TJP1: variants seen among roughly 807,000 people sequenced by gnomAD.
The protein encoded by TJP1 is tight junction protein ZO-1.
TJP1 carries 43 observed loss-of-function variants against 194.2 expected under a neutral mutation model. The ratio of observed to expected loss-of-function variants is 0.22; its 90% confidence interval spans 0.17 to 0.29. The LOEUF (loss-of-function observed/expected upper bound fraction) is 0.29, where lower values mean the gene tolerates loss of function less well. Among genes scored for constraint, TJP1 ranks in the 10% least tolerant of loss-of-function variants. The pLI is 1.00. For missense variants in TJP1, 1,971 were observed against 2,185.7 expected (o/e 0.90, Z 1.96); for synonymous variants, 801 against 779.0 (o/e 1.03, Z -0.47).
At chr15:29,968,384 G>A in intron 1 of TJP1, 1 of 985,332 alleles carries the variant, frequency 1.0e-6, no homozygotes, top group Non-Finnish European at 1.2e-6. Context: ...CCGGGTGCGG[G>A]TGCCAGGCGT....
intron 15 of TJP1, chr15:29,730,737 G>A (rs1214768645): frequency 1.3e-6 from 1 of 767,064 alleles, no homozygotes; most frequent in Non-Finnish European, 2.4e-6. Flanking sequence ...GGCTGAAGGG[G>A]ATGCTAAGGG....
intron 8 of TJP1, among the ~76,000 whole-genome samples, chr15:29,743,335 G>A (rs1357133761): frequency 1.3e-5 from 2 of 152,174 alleles, no homozygotes; most frequent in African/African-American, 4.8e-5. Flanking sequence ...GAATTCTTTA[G>A]TTCAAACAGC....
intron 8 of TJP1, among the ~76,000 whole-genome samples, chr15:29,753,787 C>T (rs897864468): frequency 3.4e-5 from 5 of 148,252 alleles, no homozygotes; most frequent in African/African-American, 1.2e-4. Context: ...TTCTAACTGG[C>T]ACCCTTTCTA....
intron 25 of TJP1, among the ~76,000 whole-genome samples, 173 bp from the exon 26 acceptor site, chr15:29,705,918 A>G (rs976063313): frequency 3.9e-5 from 6 of 152,120 alleles, no homozygotes. Context: ...CGCAGAGAAT[A>G]TTATTTCTTT....
At position 29,700,917 on chromosome 15, in the gene TJP1, G is replaced by A. The variant is rs1239869002; in HGVS notation, c.*678C>T. 6.5e-5 allele frequency: 10 copies of A among 153,548 alleles called. No homozygotes were observed. The highest frequency in any genetic ancestry group is 1.5e-5 in the Non-Finnish European group (1 of 68,750). 9.5% of individuals were successfully genotyped at this position (153,548 alleles called of 1,614,324 possible). A position where few individuals can be genotyped will look rare whatever the true frequency, so the allele number is the denominator to read the frequency against. On this transcript the variant is annotated 3_prime_UTR_variant, in exon 28 of 28. Coordinates refer to ENST00000614355, the MANE Select transcript of TJP1 (RefSeq NM_001330239.4). The stretch of plus-strand genomic sequence containing the variant: ...ACAAGGAGAATGAGCTAAGAATTAA[G>A]AACATGAGGGTAAGGCATTTCTGCT...
intron 2 of TJP1, among the ~76,000 whole-genome samples, chr15:29,829,463 T>G (rs1251758237): frequency 6.6e-6 from 1 of 152,058 alleles, no homozygotes; most frequent in Non-Finnish European, 1.5e-5. Flanking sequence ...AGTTTCACAT[T>G]TCTGATTCAG....
chr15:29,841,437 AC>A (rs2051221404), intron 2 of TJP1, among the ~76,000 whole-genome samples: 1 of 152,226 alleles, frequency 6.6e-6, no homozygotes, highest in South Asian at 2.1e-4. Context: ...ACCCTTCAGG[AC>A]CTATACTTTG....
chr15:29,842,015 G>C (rs1012215630), intron 2 of TJP1, among the ~76,000 whole-genome samples: 1 of 152,164 alleles, frequency 6.6e-6, no homozygotes. Context: ...AAACGCTGAC[G>C]GGGATACCCA....
At chr15:29,744,952 T>G (rs999118249) in intron 8 of TJP1, among the ~76,000 whole-genome samples, 1 of 152,166 alleles carries the variant, frequency 6.6e-6, no homozygotes, top group Non-Finnish European at 1.5e-5. Context: ...ATTAGAAGAC[T>G]ATCATCAGGG....
intron 2 of TJP1, among the ~76,000 whole-genome samples, chr15:29,777,260 G>A (rs1031250809): frequency 6.6e-6 from 1 of 152,076 alleles, no homozygotes; most frequent in African/African-American, 2.4e-5. Flanking sequence ...TATACGGTTT[G>A]GTGCCCCTGC....
intron 2 of TJP1, among the ~76,000 whole-genome samples, chr15:29,902,807 G>A (rs375946923): frequency 6.6e-6 from 1 of 152,102 alleles, no homozygotes; most frequent in African/African-American, 2.4e-5. Context: ...AGACCACGGC[G>A]GGTGGATCAC....
intron 2 of TJP1, among the ~76,000 whole-genome samples, chr15:29,790,210 T>C (rs910311852): frequency 1.3e-5 from 2 of 152,184 alleles, no homozygotes; most frequent in Non-Finnish European, 1.5e-5. Flanking sequence ...TTTATATAAA[T>C]ACTTTGCTGA....
chr15:29,928,545 T>C (rs1422845345), intron 2 of TJP1, among the ~76,000 whole-genome samples: 1 of 152,178 alleles, frequency 6.6e-6, no homozygotes, highest in Non-Finnish European at 1.5e-5. Flanking sequence ...CAGAAACTCA[T>C]GCACATCTAC....
At chr15:29,911,124 G>T (rs1411546774) in intron 2 of TJP1, among the ~76,000 whole-genome samples, 1 of 152,144 alleles carries the variant, frequency 6.6e-6, no homozygotes, top group Non-Finnish European at 1.5e-5. Context: ...TACCTGCATT[G>T]GTATCTCTCA....
At chr15:29,840,534 A>G (rs74828441) in intron 2 of TJP1, among the ~76,000 whole-genome samples, 2 of 152,170 alleles carry the variant, frequency 1.3e-5, no homozygotes, top group Admixed American at 1.3e-4. Flanking sequence ...GAAATGCTCC[A>G]GACAGCACCC....
intron 8 of TJP1, among the ~76,000 whole-genome samples, chr15:29,744,385 T>G (rs2044627749): frequency 6.6e-6 from 1 of 152,142 alleles, no homozygotes; most frequent in Non-Finnish European, 1.5e-5. Context: ...GAAATACAAA[T>G]GTACTCAAGA....
rs757507132 is a variant in TJP1, at chr15:29,766,675, T to G, written c.313-133A>C. ...CAGCAAGAAACAATACACAAACAAC[T>G]ACAACAAATTTCTAAGGAATACATT... On this transcript the variant is annotated intron_variant, in intron 4 of 27. Coordinates refer to ENST00000614355, the MANE Select transcript of TJP1 (RefSeq NM_001330239.4). The G allele has an allele frequency of 8.6e-4, 697 of 812,974 alleles. 3 individuals carry two copies. Among genetic ancestry groups the G allele is most frequent in the Middle Eastern group, 3.6e-4 (1 of 2,754 alleles). The allele number at this position is 812,974 out of a possible 1,614,324, so 50.4% of individuals were successfully genotyped here.
chr15:29,877,159 A>C (rs1219342183), intron 2 of TJP1, among the ~76,000 whole-genome samples: 1 of 152,272 alleles, frequency 6.6e-6, no homozygotes, highest in African/African-American at 2.4e-5. Context: ...CCAATTAACA[A>C]ATGCAAAAGA....
chr15:29,780,478 G>A (rs910339685), intron 2 of TJP1, among the ~76,000 whole-genome samples: 2 of 152,228 alleles, frequency 1.3e-5, no homozygotes, highest in East Asian at 1.9e-4. Context: ...TGCACATACA[G>A]GTGAAGCTTT....
Sources: allele counts gnomAD v4.1 joint callset (sites outside exome capture counted in the v4.1 genomes callset), GRCh38; gene constraint gnomAD v4.1.1; transcripts MANE v1.5; gene names NCBI Gene and HGNC (gene_info 2026-07-23, HGNC 2026-07-21).